Variants in CDH18 observed in about 807,000 individuals in gnomAD.
The protein encoded by CDH18 is cadherin 18.
Under a neutral mutation model 67.9 loss-of-function variants are expected in CDH18, and 31 were observed. That is an observed-to-expected ratio of 0.46 (90% CI 0.34 to 0.62). CDH18 has a LOEUF of 0.62. Ranked by LOEUF, CDH18 falls within the 20% of genes least tolerant of loss-of-function variation. The pLI is 0.01. For missense variants in CDH18, 890 were observed against 975.5 expected (o/e 0.91, Z 1.17); for synonymous variants, 362 against 347.2 (o/e 1.04, Z -0.48).
intron 1 of CDH18, among the ~76,000 whole-genome samples, chr5:20,382,136 G>T (rs1467463298): frequency 2.6e-5 from 4 of 152,080 alleles, no homozygotes; most frequent in Non-Finnish European, 5.9e-5. Flanking sequence ...GGTTAACCAA[G>T]TCATTAGCCA....
intron 2 of CDH18, among the ~76,000 whole-genome samples, chr5:19,879,563 T>C (rs965736827): frequency 2.0e-5 from 3 of 152,014 alleles, no homozygotes; most frequent in African/African-American, 7.2e-5. Flanking sequence ...AAACACGGAT[T>C]GGTATAAGTA....
At chr5:19,821,293 A>T (rs1194575166) in intron 3 of CDH18, among the ~76,000 whole-genome samples, 2 of 152,184 alleles carry the variant, frequency 1.3e-5, no homozygotes, top group Non-Finnish European at 2.9e-5. Context: ...TACTACAGGG[A>T]ATTTCAAAAC....
chr5:19,482,727 C>T (rs1203505161), intron 12 of CDH18, among the ~76,000 whole-genome samples: 7 of 152,118 alleles, frequency 4.6e-5, no homozygotes, highest in Admixed American at 3.3e-4. Flanking sequence ...TGTCATCTCA[C>T]GTAGTTACAC....
rs1207140699 is a variant in CDH18 at position 19,483,499 on chromosome 5, C to T, written c.1684G>A (p.Asp562Asn). Residue 562 changes from aspartate to asparagine, a missense_variant, in exon 12 of 13, where the codon GAT becomes AAT. Coordinates refer to ENST00000382275, the MANE Select transcript of CDH18 (RefSeq NM_004934.5). ...RRRRFSRTVQ[D>N]VYYLPIMISD... The stretch of plus-strand genomic sequence containing the variant: ...ATCATAATGGGCAGATAATACACAT[C>T]CTGAACAGTTCGACTAAATCTCCTC... 1 of 1,613,900 alleles carries T rather than the reference C, an allele frequency of 6.2e-7. No individual in the cohort carries two copies. The highest frequency in any genetic ancestry group is 2.2e-5 in the East Asian group (1 of 44,872).
At chr5:20,206,285 A>C (rs992346880) in intron 2 of CDH18, among the ~76,000 whole-genome samples, 29 of 151,972 alleles carry the variant, frequency 1.9e-4, no homozygotes, top group African/African-American at 7.0e-4. Flanking sequence ...AGAATGAGCC[A>C]TGAAGAAACA....
intron 4 of CDH18, among the ~76,000 whole-genome samples, chr5:19,734,214 C>T (rs1233593249): frequency 6.6e-6 from 1 of 152,134 alleles, no homozygotes; most frequent in Non-Finnish European, 1.5e-5. Flanking sequence ...AGAAATAGCA[C>T]ATTATCATTT....
chr5:19,687,095 A>G (rs1761196194), intron 5 of CDH18, among the ~76,000 whole-genome samples: 1 of 152,182 alleles, frequency 6.6e-6, no homozygotes, highest in African/African-American at 2.4e-5. Flanking sequence ...TTTGGCTGTG[A>G]TCAGCTGGGA....
At chr5:20,210,525 G>A (rs562868151) in intron 2 of CDH18, among the ~76,000 whole-genome samples, 5 of 151,830 alleles carry the variant, frequency 3.3e-5, no homozygotes, top group Non-Finnish European at 5.9e-5. Flanking sequence ...ATCTTAATCT[G>A]AACAGTTTAA....
At chr5:19,755,724 C>T (rs1385741120) in intron 3 of CDH18, among the ~76,000 whole-genome samples, 1 of 151,510 alleles carries the variant, frequency 6.6e-6, no homozygotes, top group Admixed American at 6.6e-5. Flanking sequence ...AGAGCCAGTC[C>T]AAGTCCCAAA....
chr5:19,551,711 T>C (rs947704040), intron 8 of CDH18, among the ~76,000 whole-genome samples: 4 of 152,156 alleles, frequency 2.6e-5, no homozygotes, highest in African/African-American at 4.8e-5. Context: ...GTTCATAGAT[T>C]GTAAGTACTG....
intron 7 of CDH18, among the ~76,000 whole-genome samples, chr5:19,582,936 AT>A (rs1743511516): frequency 6.6e-6 from 1 of 151,960 alleles, no homozygotes; most frequent in African/African-American, 2.4e-5. Context: ...TAAATCTAGT[AT>A]GGTTGTAGCG....
intron 1 of CDH18, among the ~76,000 whole-genome samples, chr5:20,269,411 T>C (rs565566029): frequency 1.3e-5 from 2 of 152,238 alleles, no homozygotes; most frequent in Non-Finnish European, 2.9e-5. Context: ...ATCAAAAACA[T>C]ACCTCACTCC....
chr5:20,277,984 A>C (rs1378882560), intron 1 of CDH18, among the ~76,000 whole-genome samples: 1 of 152,168 alleles, frequency 6.6e-6, no homozygotes, highest in East Asian at 1.9e-4. Flanking sequence ...AAAAATGCAA[A>C]AAGAATAACA....
chr5:19,521,813 T>C (rs569260423), intron 9 of CDH18, among the ~76,000 whole-genome samples: 96 of 152,216 alleles, frequency 6.3e-4, no homozygotes, highest in Admixed American at 1.6e-3. Flanking sequence ...AAAAAATTTG[T>C]CCCAGATTTT....
chr5:20,398,202 AATT>A (rs1471629920), intron 1 of CDH18, among the ~76,000 whole-genome samples: 1 of 152,166 alleles, frequency 6.6e-6, no homozygotes, highest in African/African-American at 2.4e-5. Context: ...TGGTATTTTA[AATT>A]ATTATGTTTT....
intron 2 of CDH18, among the ~76,000 whole-genome samples, chr5:19,994,250 C>T (rs1036235799): frequency 2.2e-5 from 3 of 139,302 alleles, no homozygotes; most frequent in East Asian, 2.2e-4. Context: ...CACACATATA[C>T]ACATATATAC....
intron 1 of CDH18, among the ~76,000 whole-genome samples, chr5:20,339,929 A>T (rs1054649741): frequency 3.3e-5 from 5 of 152,210 alleles, no homozygotes; most frequent in South Asian, 2.1e-4. Flanking sequence ...TTTGTGTCTC[A>T]TACAATGCCA....
In CDH18 at chr5:19,473,706, TACC is replaced by T. The variant is rs749530405; in HGVS notation, c.1890_1892del (p.Val631del). ...TGCTGCGCCTCAGGGTGATAAAAAG[TACC>T]ACAATTGCTGAGGAAGAATGGAAAA... On this transcript the variant is annotated inframe_deletion, in exon 13 of 13. Transcript: ENST00000382275. 1 of 1,596,982 alleles carries T rather than the reference TACC, an allele frequency of 6.3e-7. No individual in the cohort carries two copies. Among genetic ancestry groups the T allele is most frequent in the Non-Finnish European group, 8.5e-7 (1 of 1,171,338 alleles).
chr5:20,324,482 A>G (rs1236716021), intron 1 of CDH18, among the ~76,000 whole-genome samples: 1 of 152,132 alleles, frequency 6.6e-6, no homozygotes, highest in African/African-American at 2.4e-5. Context: ...CGGAGCTTGC[A>G]GTGAGCTGAG....
Sources: gnomAD v4.1 joint callset for allele counts (sites outside exome capture counted in the v4.1 genomes callset) on GRCh38, gnomAD v4.1.1 for gene constraint, MANE v1.5 for transcripts, NCBI Gene and HGNC (gene_info 2026-07-23, HGNC 2026-07-21) for gene names.